Variants in USO1 observed in about 807,000 individuals in gnomAD.
USO1 encodes the protein USO1 vesicle transport factor, also known as general vesicular transport factor p115.
A neutral mutation model predicts 124.5 loss-of-function variants in USO1; 57 were observed. The ratio of observed to expected loss-of-function variants is 0.46; its 90% confidence interval spans 0.37 to 0.57. The LOEUF (loss-of-function observed/expected upper bound fraction) is 0.57. Ranked by LOEUF, USO1 falls within the 20% of genes least tolerant of loss-of-function variation. The probability of loss-of-function intolerance (pLI) is 0.00; values close to 1 mark genes in which losing one functional copy is unlikely to be tolerated. For missense variants in USO1, 900 were observed against 1,040.6 expected (o/e 0.86, Z 1.86); for synonymous variants, 369 against 362.8 (o/e 1.02, Z -0.19).
chr4:75,748,844 A>C (rs1043923458), intron 1 of USO1, among the ~76,000 whole-genome samples: 2 of 152,162 alleles, frequency 1.3e-5, no homozygotes, highest in African/African-American at 4.8e-5. Flanking sequence ...AGGCAATTGC[A>C]GTCTTGCTTT....
intron 1 of USO1, among the ~76,000 whole-genome samples, chr4:75,732,933 T>G (rs1014209246): frequency 2.1e-5 from 3 of 142,900 alleles, no homozygotes; most frequent in Middle Eastern, 3.5e-3. Context: ...TAGGAATGTT[T>G]TAAGCTTCAT....
rs201656757 is a variant in USO1 at position 75,737,897 on chromosome 4, G to A, written c.66+13012G>A. Among the ~76,000 whole-genome samples the A allele has an allele frequency of 2.0e-4, 30 of 151,604 alleles. No individual in the cohort carries two copies. In the East Asian group the frequency reaches 5.3e-3, roughly 27 times the overall value. ...GGCTGGAGTGTAGTGGCGTGATCTC[G>A]GCTCACTGCAACCTCCACCTCCCAG... On this transcript the variant is annotated intron_variant, in intron 1 of 23. Transcript: ENST00000514213.
At chr4:75,787,333 C>T in intron 10 of USO1, 131 bp downstream of exon 10, 1 of 1,194,052 alleles carries the variant, frequency 8.4e-7, no homozygotes, top group Non-Finnish European at 1.1e-6. Context: ...AATGATCTTA[C>T]TAAAATATAA....
intron 9 of USO1, among the ~76,000 whole-genome samples, chr4:75,786,232 G>A (rs1048968891): frequency 1.3e-5 from 2 of 152,016 alleles, no homozygotes; most frequent in Admixed American, 6.5e-5. Context: ...AATATGTGTC[G>A]GCTGTAGTAA....
At chr4:75,771,199 A>G in intron 7 of USO1, 62 bp downstream of exon 7, 3 of 1,515,378 alleles carry the variant, frequency 2.0e-6, no homozygotes, top group Non-Finnish European at 2.7e-6. Context: ...TGCAAATGAA[A>G]TCCTTGTTGT....
chr4:75,774,622 A>T (rs1722020725), intron 7 of USO1, 54 bp from the exon 8 acceptor site: 2 of 1,541,488 alleles, frequency 1.3e-6, no homozygotes, highest in Admixed American at 2.1e-5. Flanking sequence ...GAAGTAATTT[A>T]AAAATGTCTC....
intron 11 of USO1, 106 bp from the exon 12 acceptor site, chr4:75,790,537 C>T: frequency 6.9e-7 from 1 of 1,446,218 alleles, no homozygotes. Flanking sequence ...ACTTAACTTG[C>T]TGGTGTTCTG....
intron 5 of USO1, 137 bp from the exon 6 acceptor site, chr4:75,770,685 G>T: frequency 5.5e-6 from 8 of 1,450,140 alleles, no homozygotes; most frequent in Non-Finnish European, 7.3e-6. Context: ...GATGTTTCAA[G>T]AACTATGTAA....
In USO1 at chr4:75,788,172, T is replaced by A. The variant is rs1007635007; in HGVS notation, c.996+970T>A. Among the ~76,000 whole-genome samples the A allele has an allele frequency of 8.6e-3, 383 of 44,532 alleles. 2 individuals carry two copies. The highest frequency in any genetic ancestry group is 0.02 in the African/African-American group (357 of 17,478). 29.2% of individuals were successfully genotyped at this position (44,532 alleles called of 152,430 possible). ...ATATCTTTATTTATTTATTTATTTA[T>A]TTTTTTTTTTTTTTGTACAGAGTCT... On this transcript the variant is annotated intron_variant, in intron 10 of 23. Transcript: ENST00000514213.
At chr4:75,772,437 C>T (rs1015314190) in intron 7 of USO1, among the ~76,000 whole-genome samples, 4 of 151,976 alleles carry the variant, frequency 2.6e-5, no homozygotes, top group Non-Finnish European at 4.4e-5. Flanking sequence ...CAGGGTTTCA[C>T]CATATTGGCC....
chr4:75,809,142 A>C, intron 21 of USO1, 91 bp downstream of exon 21: 5 of 1,437,234 alleles, frequency 3.5e-6, no homozygotes, highest in Non-Finnish European at 4.6e-6. Flanking sequence ...CAAATTCATC[A>C]GATAGCACCT....
chr4:75,809,122 TAAAAAG>T, intron 21 of USO1, 71 bp downstream of exon 21: 1 of 1,491,878 alleles, frequency 6.7e-7, no homozygotes, highest in South Asian at 1.3e-5. Context: ...TAGCCACAAT[TAAAAAG>T]AAACAAATTC....
intron 1 of USO1, among the ~76,000 whole-genome samples, chr4:75,751,795 G>T (rs974230558): frequency 1.3e-5 from 2 of 151,442 alleles, no homozygotes; most frequent in African/African-American, 2.4e-5. Context: ...TCGCATTGTC[G>T]CACTCCAGCC....
intron 9 of USO1, 44 bp downstream of exon 9, chr4:75,782,902 G>T: frequency 6.6e-7 from 1 of 1,513,626 alleles, no homozygotes; most frequent in South Asian, 1.3e-5. Context: ...TTTTGACAGT[G>T]ATCTTTTCAA....
rs563723241 is a variant in USO1, at chr4:75,743,221, G to A, written c.67-9152G>A. On this transcript the variant is annotated intron_variant, in intron 1 of 23. Coordinates refer to ENST00000514213, the MANE Select transcript of USO1 (RefSeq NM_003715.4). ...AGGATGGTCACGATCTCCTGACCTC[G>A]TGATCCACCCGTGTCGGCCTCCCAA... 2.6e-5 allele frequency among the ~76,000 whole-genome samples: 4 copies of A among 152,184 alleles called. No homozygotes were observed. In the East Asian group the frequency reaches 5.8e-4, roughly 22 times the overall value.
chr4:75,804,362 G>A, intron 18 of USO1, 90 bp downstream of exon 18: 1 of 1,455,540 alleles, frequency 6.9e-7, no homozygotes, highest in South Asian at 1.5e-5. Context: ...CTGTGGACTA[G>A]TATTTTTCTA....
At chr4:75,734,334 A>G (rs1221369422) in intron 1 of USO1, among the ~76,000 whole-genome samples, 1 of 152,132 alleles carries the variant, frequency 6.6e-6, no homozygotes, top group East Asian at 1.9e-4. Flanking sequence ...GTAAGGGCCC[A>G]GTTTCATTCT....
chr4:75,757,731 A>G (rs758762469), intron 4 of USO1, among the ~76,000 whole-genome samples, 158 bp downstream of exon 4: 1 of 152,090 alleles, frequency 6.6e-6, no homozygotes, highest in African/African-American at 2.4e-5. Flanking sequence ...TAGATCTAGA[A>G]AAGTGTCTTT....
In USO1 at chr4:75,799,647, G is replaced by T; in HGVS notation, c.1478G>T (p.Gly493Val). Residue 493 changes from glycine (G) to valine (V), a missense_variant, in exon 14 of 24, where the codon GGA becomes GTA. Physicochemically the swap from Gly to Val is moderately radical, Grantham distance 109. This residue lies in a region of USO1 where 538 missense variants were observed against 681.6 expected (regional missense o/e 0.79). Transcript: ENST00000514213. ...SQGSKIQTRV[G>V]LLMLLCTWLS... ...GGAAGCAAAATACAAACAAGAGTTG[G>T]ATTATTAATGTTGCTTTGTACCTGG... The T allele has an allele frequency of 6.2e-7, 1 of 1,613,622 alleles. No individual in the cohort carries two copies. Among genetic ancestry groups the T allele is most frequent in the Non-Finnish European group, 8.5e-7 (1 of 1,179,744 alleles).
Sources: gnomAD v4.1 joint callset for allele counts (sites outside exome capture counted in the v4.1 genomes callset) on GRCh38, gnomAD v4.1.1 for gene constraint, gnomAD v4.1.1 regional missense constraint, MANE v1.5 for transcripts, NCBI Gene and HGNC (gene_info 2026-07-23, HGNC 2026-07-21) for gene names.